Variants in BIN3 observed in about 807,000 individuals in gnomAD.
The protein encoded by BIN3 is bridging integrator 3.
BIN3 carries 41 observed loss-of-function variants against 38.2 expected under a neutral mutation model. The observed-to-expected ratio is 1.07, with a 90% CI of 0.84 to 1.39. The LOEUF (loss-of-function observed/expected upper bound fraction) is 1.39, where lower values mean the gene tolerates loss of function less well. Among genes scored for constraint, BIN3 ranks in the 40% most tolerant of loss-of-function variants. BIN3 has a pLI of 0.00. For synonymous variants in BIN3, 145 were observed against 122.6 expected (o/e 1.18, Z -1.21); for missense variants, 361 against 324.3 (o/e 1.11, Z -0.87).
intron 8 of BIN3, among the ~76,000 whole-genome samples, chr8:22,623,607 G>A (rs1017836570): frequency 1.3e-5 from 2 of 152,218 alleles, no homozygotes; most frequent in East Asian, 1.9e-4. Flanking sequence ...TTGAGGGTGC[G>A]GGGCAGAGGA....
At chr8:22,664,857 G>A (rs753518361) in intron 1 of BIN3, among the ~76,000 whole-genome samples, 1 of 152,202 alleles carries the variant, frequency 6.6e-6, no homozygotes, top group Non-Finnish European at 1.5e-5. Flanking sequence ...AGACAGCAAC[G>A]GTAATCATAG....
intron 1 of BIN3, among the ~76,000 whole-genome samples, chr8:22,645,143 C>G (rs1303744401): frequency 6.7e-6 from 1 of 148,836 alleles, no homozygotes. Context: ...CTAGCCTAAG[C>G]GACAGAGCAA....
At position 22,636,542 on chromosome 8, in the gene BIN3, C is replaced by T; in HGVS notation, c.143G>A (p.Ser48Asn). ...TCACCTACCCAGGTCTGCGTCGGTG[C>T]TCTTCTTCATGTCTTTCTGCAGCCT... Reference protein sequence around the residue: ...TRRLQKDMKKSTDADLAMSKS... With the variant: ...TRRLQKDMKKNTDADLAMSKS... Residue 48 changes from serine to asparagine, a missense_variant, in exon 4 of 9, where the codon AGC (serine) becomes AAC (asparagine). Transcript: ENST00000276416. The T allele has an allele frequency of 6.4e-7, 1 of 1,552,854 alleles. No individual in the cohort carries two copies. The highest frequency in any genetic ancestry group is 8.7e-7 in the Non-Finnish European group (1 of 1,147,702).
At chr8:22,623,297 T>G (rs1801898398) in intron 8 of BIN3, among the ~76,000 whole-genome samples, 1 of 152,126 alleles carries the variant, frequency 6.6e-6, no homozygotes, top group Non-Finnish European at 1.5e-5. Flanking sequence ...CCACTCCGTG[T>G]CCTCCCGTCC....
intron 4 of BIN3, among the ~76,000 whole-genome samples, chr8:22,631,477 G>A (rs1042268903): frequency 6.6e-6 from 1 of 152,212 alleles, no homozygotes; most frequent in Non-Finnish European, 1.5e-5. Flanking sequence ...AAACAACCCA[G>A]GGGATGTCTA....
chr8:22,668,625 G>A (rs1009906881), intron 1 of BIN3, among the ~76,000 whole-genome samples: 1 of 152,228 alleles, frequency 6.6e-6, no homozygotes, highest in Non-Finnish European at 1.5e-5. Flanking sequence ...GTTTTGATTA[G>A]TGAACTGGGT....
intron 3 of BIN3, 35 bp from the exon 4 acceptor site, chr8:22,636,621 T>C (rs775025241): frequency 6.7e-5 from 103 of 1,548,504 alleles, no homozygotes; most frequent in Non-Finnish European, 8.8e-5. Context: ...TGGGGTCCCC[T>C]TCCTTCCCCC....
At chr8:22,624,163 CCA>C in intron 7 of BIN3, 57 bp downstream of exon 7, 1 of 1,593,322 alleles carries the variant, frequency 6.3e-7, no homozygotes, top group South Asian at 1.1e-5. Flanking sequence ...GAGGGACTTA[CCA>C]CAGGTGACCA....
rs185917107 is a variant in BIN3 at position 22,644,663 on chromosome 8, C to G, written c.57+92G>C. ...AAGGCCCAGGTTGCTGTCTTCCCAG[C>G]CCCAAGATGTGTTGATTCAAAGCTT... On this transcript the variant is annotated intron_variant, in intron 2 of 8. Coordinates refer to ENST00000276416, the MANE Select transcript of BIN3 (RefSeq NM_018688.6). 7.2e-3 allele frequency: 9,410 copies of G among 1,304,888 alleles called. 45 individuals carry two copies. Among genetic ancestry groups the G allele is most frequent in the Non-Finnish European group, 9.3e-3 (8,634 of 924,116 alleles). The allele number at this position is 1,304,888 out of a possible 1,614,324, so 80.8% of individuals were successfully genotyped here.
chr8:22,620,661 G>T lies in BIN3; in HGVS notation c.*761C>A, dbSNP rs1409286124. 1.3e-5 allele frequency: 2 copies of T among 152,198 alleles called. No homozygotes were observed. The highest frequency in any genetic ancestry group is 4.8e-5 in the African/African-American group (2 of 41,436). 9.4% of individuals were successfully genotyped at this position (152,198 alleles called of 1,614,324 possible). On this transcript the variant is annotated 3_prime_UTR_variant, in exon 9 of 9. Transcript: ENST00000276416. ...GCTGCTGCTCCGTGGAGGGCAGCAG[G>T]CCCAGGAAGGGGTTTCCTCTGCTCG... is the stretch of plus-strand genomic sequence containing the variant.
At chr8:22,653,220 C>T (rs376796074) in intron 1 of BIN3, among the ~76,000 whole-genome samples, 92 of 152,178 alleles carry the variant, frequency 6.0e-4, no homozygotes, top group African/African-American at 1.9e-3. Context: ...ATGTTAAATC[C>T]GCCAGAAATT....
chr8:22,631,858 G>A (rs532114903), intron 4 of BIN3, among the ~76,000 whole-genome samples: 2 of 152,322 alleles, frequency 1.3e-5, no homozygotes, highest in South Asian at 4.1e-4. Flanking sequence ...CAGCTTTGGA[G>A]CTCTTGGTCC....
At chr8:22,631,179 G>C (rs1802187204) in intron 4 of BIN3, among the ~76,000 whole-genome samples, 1 of 152,148 alleles carries the variant, frequency 6.6e-6, no homozygotes, top group Admixed American at 6.5e-5. Flanking sequence ...GGTCAGATTA[G>C]GCCAGCAGCT....
At chr8:22,626,755 G>C (rs10099266) in intron 6 of BIN3, among the ~76,000 whole-genome samples, 60,761 of 152,068 alleles carry the variant, frequency 0.4, 12,526 homozygotes, top group South Asian at 0.5. Context: ...GCGCAAGGTG[G>C]CTTCCACGGT....
chr8:22,629,216 C>T (rs1034449607), intron 6 of BIN3, among the ~76,000 whole-genome samples: 13 of 152,202 alleles, frequency 8.5e-5, no homozygotes, highest in African/African-American at 2.2e-4. Flanking sequence ...CCTCATTACC[C>T]GGCCCTGGCA....
At chr8:22,668,020 G>A (rs1803482012) in intron 1 of BIN3, among the ~76,000 whole-genome samples, 1 of 152,168 alleles carries the variant, frequency 6.6e-6, no homozygotes, top group South Asian at 2.1e-4. Flanking sequence ...AGGACAGAGT[G>A]GCAAATATGT....
intron 6 of BIN3, chr8:22,625,389 C>G (rs746796019): frequency 2.8e-6 from 2 of 702,464 alleles, no homozygotes; most frequent in South Asian, 3.0e-5. Context: ...GGAGGTGACC[C>G]AGGACCAGAA....
chr8:22,667,663 T>C (rs1475765281), intron 1 of BIN3, among the ~76,000 whole-genome samples: 1 of 152,212 alleles, frequency 6.6e-6, no homozygotes, highest in Non-Finnish European at 1.5e-5. Flanking sequence ...GGTAGCTTTT[T>C]AAGGCTCCAG....
At chr8:22,630,332 T>C (rs1253646139) in intron 5 of BIN3, 110 bp downstream of exon 5, 1 of 1,442,166 alleles carries the variant, frequency 6.9e-7, no homozygotes, top group East Asian at 2.3e-5. Flanking sequence ...CCAGAGGGCT[T>C]AGAGCCCTGA....
Sources: gnomAD v4.1 joint callset for allele counts (sites outside exome capture counted in the v4.1 genomes callset) on GRCh38, gnomAD v4.1.1 for gene constraint, MANE v1.5 for transcripts, NCBI Gene and HGNC (gene_info 2026-07-23, HGNC 2026-07-21) for gene names.